Variants in DHX29 observed in about 807,000 individuals in gnomAD.
DHX29 encodes the protein ATP-dependent RNA helicase DHX29.
Under a neutral mutation model 167.9 loss-of-function variants are expected in DHX29, and 79 were observed. The ratio of observed to expected loss-of-function variants is 0.47; its 90% CI spans 0.39 to 0.57. DHX29 has a LOEUF of 0.57. DHX29 is among the 20% of genes least tolerant of loss of function. DHX29 has a pLI of 0.00. For synonymous variants in DHX29, 530 were observed against 546.0 expected, an observed-to-expected ratio of 0.97 and a Z score of 0.41; for missense variants, 1,347 against 1,593.4, an observed-to-expected ratio of 0.85 and a Z score of 2.63.
At chr5:55,304,007 T>G (rs1275195097) in intron 1 of DHX29, among the ~76,000 whole-genome samples, 3 of 152,226 alleles carry the variant, frequency 2.0e-5, no homozygotes, top group Non-Finnish European at 4.4e-5. Context: ...GCCTCTTGGT[T>G]GGAAGAGAAA....
intron 8 of DHX29, among the ~76,000 whole-genome samples, chr5:55,287,360 G>T (rs2111915403): frequency 6.6e-6 from 1 of 152,246 alleles, no homozygotes; most frequent in East Asian, 1.9e-4. Context: ...AGAATCGCTT[G>T]AACCTGGGAG....
At chr5:55,271,952 CT>C (rs1746871995) in intron 18 of DHX29, 134 bp downstream of exon 18, 1 of 508,714 alleles carries the variant, frequency 2.0e-6, no homozygotes, top group Non-Finnish European at 3.4e-6. Context: ...TATAGTTTCT[CT>C]AAGGCTTTTG....
At chr5:55,303,899 A>G (rs1333776223) in intron 1 of DHX29, among the ~76,000 whole-genome samples, 4 of 152,242 alleles carry the variant, frequency 2.6e-5, no homozygotes, top group Non-Finnish European at 5.9e-5. Context: ...AAAAAAATTT[A>G]TAATGGCTTT....
At position 55,295,463 on chromosome 5, in the gene DHX29, T is replaced by C. The variant is rs750003082; in HGVS notation, c.567A>G (p.Lys189=). 1 of 1,613,934 alleles carries C rather than the reference T, an allele frequency of 6.2e-7. No individual in the cohort carries two copies. The highest frequency in any genetic ancestry group is 8.5e-7 in the Non-Finnish European group (1 of 1,179,858). ...TGGCTTGTATTTGAGGAGACTGAAA[T>C]TTAGGCCTACTTTTAGGTTGCTGCT... is the stretch of plus-strand genomic sequence containing the variant. The part of the protein sequence containing the change: ...FEEQQPKSRP[K]FQSPQIQATI... The change falls in exon 5 of 27, where the codon AAA becomes AAG. Residue 189 remains lysine, a synonymous_variant. Transcript: ENST00000251636.
chr5:55,307,630 A>C lies in DHX29; in HGVS notation c.-57T>G, dbSNP rs893706464. 4 of 1,588,910 alleles carry C rather than the reference A, an allele frequency of 2.5e-6. No homozygotes were observed. In the African/African-American group the frequency reaches 4.1e-5, roughly 16 times the overall value. The stretch of plus-strand genomic sequence containing the variant: ...CCAGGCCCCGACGGTACCACTGCAC[A>C]GCCGAGAGCTCTTCACATTCCCCGG... On this transcript the variant is annotated 5_prime_UTR_variant, in exon 1 of 27. Transcript: ENST00000251636.
At chr5:55,267,336 T>C (rs1370900905) in intron 22 of DHX29, 105 bp from the exon 23 acceptor site, 2 of 817,398 alleles carry the variant, frequency 2.4e-6, no homozygotes, top group Admixed American at 5.6e-5. Context: ...AATTATAATT[T>C]TAAAAGGGGA....
chr5:55,294,672 C>G (rs546406115), intron 5 of DHX29, among the ~76,000 whole-genome samples: 3 of 152,298 alleles, frequency 2.0e-5, no homozygotes, highest in Admixed American at 2.0e-4. Flanking sequence ...GAGCAAGACT[C>G]TGTCTCAAAA....
Position 55,283,676 on chromosome 5 carries a change from T to C in DHX29, c.1492A>G (p.Lys498Glu), listed in dbSNP as rs141822751. Residue 498 changes from lysine to glutamate, a missense_variant, in exon 11 of 27, where the codon AAA becomes GAA. Transcript: ENST00000251636. ...RDLFIAKLLN[K>E]LKQQQQQQQQ... Reference sequence around the variant, plus strand: ...TGCTGCTGTTGCTGCTGTTTCAGTTTATTCAGAAGTTTGGCAATAAAAAGA... The same window carrying C: ...TGCTGCTGTTGCTGCTGTTTCAGTTCATTCAGAAGTTTGGCAATAAAAAGA... 3.1e-6 allele frequency: 5 copies of C among 1,614,070 alleles called. No homozygotes were observed. In the African/African-American group the frequency reaches 5.3e-5, roughly 17 times the overall value.
At chr5:55,257,992 C>T (rs989623930) in intron 26 of DHX29, among the ~76,000 whole-genome samples, 1 of 152,132 alleles carries the variant, frequency 6.6e-6, no homozygotes, top group Admixed American at 6.5e-5. Context: ...CATTTTAATG[C>T]TTATGCATTC....
intron 12 of DHX29, among the ~76,000 whole-genome samples, chr5:55,279,349 G>A (rs1318879959): frequency 6.6e-6 from 1 of 152,068 alleles, no homozygotes; most frequent in Non-Finnish European, 1.5e-5. Flanking sequence ...TGAACAGGGA[G>A]GAAAGATGTT....
At chr5:55,262,597 C>G (rs772287334) in intron 24 of DHX29, 33 bp downstream of exon 24, 82 of 1,605,242 alleles carry the variant, frequency 5.1e-5, no homozygotes, top group Non-Finnish European at 6.6e-5. Context: ...GAATAATGCT[C>G]TGAATACTGG....
chr5:55,285,089 C>T (rs1412584262), intron 10 of DHX29, among the ~76,000 whole-genome samples: 1 of 152,160 alleles, frequency 6.6e-6, no homozygotes, highest in African/African-American at 2.4e-5. Flanking sequence ...AGCATAGCTC[C>T]AAAAGTCGGA....
chr5:55,269,264 AT>A, intron 21 of DHX29, 148 bp downstream of exon 21: 3 of 694,096 alleles, frequency 4.3e-6, no homozygotes, highest in Non-Finnish European at 7.0e-6. Flanking sequence ...AAAAAAAAAA[AT>A]TCAAGCATTC....
In DHX29 at chr5:55,274,730, A is replaced by T. The variant is rs550553631; in HGVS notation, c.2574T>A (p.Asp858Glu). ...CAATATTTCTGAATTGGGGACTTTT[A>T]TCTGAAATTTTTAAAAAGATACAAT... ...DLILELLAYL[D>E]KSPQFRNIEG... Residue 858 changes from aspartate to glutamate, a missense_variant and splice_region_variant, in exon 16 of 27, where the codon GAT (aspartate) becomes GAA (glutamate). By Grantham distance (45) the Asp-to-Glu change is conservative. Around this residue, in one of 3 missense-constraint regions of DHX29, gnomAD observed 882 missense variants for 1,082.4 expected, o/e 0.81. Coordinates refer to ENST00000251636, the MANE Select transcript of DHX29 (RefSeq NM_019030.4). 6.0e-5 allele frequency: 95 copies of T among 1,582,112 alleles called. 1 individual carries two copies. The South Asian group carries it at 1.0e-3, about 17-fold the overall frequency.
Position 55,285,347 on chromosome 5 carries a change from C to T in DHX29, c.1302G>A (p.Met434Ile). ...AAGTAGCTCCCAGGTGCTGAGCTTG[C>T]ATGCCATCTTCTGTTAAGATTGTAG... ...VCPTILTEDGMQAQHLGATLA... is the reference protein window; with the variant it reads ...VCPTILTEDGIQAQHLGATLA... The change falls in exon 10 of 27, where the codon ATG becomes ATA. Residue 434 changes from methionine (M) to isoleucine (I), a missense_variant. This residue lies in a region of DHX29 where 60 missense variants were observed against 94.2 expected (regional missense o/e 0.64). Transcript: ENST00000251636. The T allele has an allele frequency of 1.2e-6, 2 of 1,613,896 alleles. No homozygotes were observed. Among genetic ancestry groups the T allele is most frequent in the Non-Finnish European group, 1.7e-6 (2 of 1,180,010 alleles).
intron 6 of DHX29, among the ~76,000 whole-genome samples, chr5:55,291,711 C>G: frequency 6.6e-6 from 1 of 152,204 alleles, no homozygotes; most frequent in Non-Finnish European, 1.5e-5. Flanking sequence ...CTGGCAACCA[C>G]CATTCTACTT....
rs149984556 is a variant in DHX29, at chr5:55,274,995, G to C, written c.2443C>G (p.Gln815Glu). The C allele has an allele frequency of 6.7e-5, 108 of 1,612,246 alleles. No homozygotes were observed. The African/African-American group carries it at 1.3e-3, about 20-fold the overall frequency. ...TTTAAATCAGCATGTGCTCCAGTCT[G>C]AACTGGGATGTATTCCTAAAAGAAA... is the stretch of plus-strand genomic sequence containing the variant. ...IKKYQEYIPVQTGAHADLNPF... is the reference protein window; with the variant it reads ...IKKYQEYIPVETGAHADLNPF... The change falls in exon 15 of 27, where the codon CAG (glutamine) becomes GAG (glutamate). Residue 815 changes from glutamine (Q) to glutamate (E), a missense_variant. This residue lies in a region of DHX29 where 882 missense variants were observed against 1,082.4 expected (regional missense o/e 0.81). Transcript: ENST00000251636.
Position 55,276,979 on chromosome 5 carries a change from A to T in DHX29, c.2286+127T>A. 4.9e-6 allele frequency: 3 copies of T among 612,124 alleles called. No homozygotes were observed. In the South Asian group the frequency reaches 8.1e-5, roughly 17 times the overall value. 37.9% of individuals were successfully genotyped at this position (612,124 alleles called of 1,614,324 possible). ...TCATCTGATTCTTAAGGCTGTGTCC[A>T]GCTCCTCTGCTGACTCACTGTACCT... On this transcript the variant is annotated intron_variant, in intron 13 of 26. Coordinates refer to ENST00000251636, the MANE Select transcript of DHX29 (RefSeq NM_019030.4).
intron 25 of DHX29, among the ~76,000 whole-genome samples, chr5:55,260,501 G>C (rs1478647740): frequency 6.6e-6 from 1 of 152,226 alleles, no homozygotes; most frequent in Non-Finnish European, 1.5e-5. Flanking sequence ...AAAGTGCTGG[G>C]ATTACAGGCA....
Sources: gnomAD v4.1 joint callset for allele counts (sites outside exome capture counted in the v4.1 genomes callset) on GRCh38, gnomAD v4.1.1 for gene constraint, gnomAD v4.1.1 regional missense constraint, MANE v1.5 for transcripts, NCBI Gene and HGNC (gene_info 2026-07-23, HGNC 2026-07-21) for gene names.